The following STK31 variants were observed in gnomAD, a reference collection of about 807,000 sequenced individuals.
STK31 encodes serine/threonine kinase 31.
STK31 carries 89 observed loss-of-function variants against 129.7 expected under a neutral mutation model. The ratio of observed to expected loss-of-function variants is 0.69; its 90% CI spans 0.58 to 0.82. The LOEUF (loss-of-function observed/expected upper bound fraction) is 0.82, where lower values mean the gene tolerates loss of function less well. Among genes scored for constraint, STK31 ranks in the 40% least tolerant of loss-of-function variants. STK31 has a pLI of 0.00. For missense variants in STK31, 1,187 were observed against 1,176.4 expected (o/e 1.01, Z -0.13); for synonymous variants, 448 against 395.3 (o/e 1.13, Z -1.58).
Position 23,710,580 on chromosome 7 carries a change from C to G in STK31, c.50+245C>G, listed in dbSNP as rs1022893092. 3.7e-6 allele frequency: 5 copies of G among 1,363,522 alleles called. No homozygotes were observed. The African/African-American group carries it at 5.9e-5, about 16-fold the overall frequency. The allele number at this position is 1,363,522 out of a possible 1,614,324, so 84.5% of individuals were successfully genotyped here. Reference sequence around the variant, plus strand: ...CTCCATGAAGACGCGGTCACGCAGCCTCCACACTCTCTTCCCCTTCTCGAA... The same window carrying G: ...CTCCATGAAGACGCGGTCACGCAGCGTCCACACTCTCTTCCCCTTCTCGAA... On this transcript the variant is annotated intron_variant, in intron 1 of 23. Coordinates refer to ENST00000355870, the MANE Select transcript of STK31 (RefSeq NM_031414.5).
At chr7:23,772,347 A>G in intron 15 of STK31, 69 bp downstream of exon 15, 1 of 1,474,006 alleles carries the variant, frequency 6.8e-7, no homozygotes, top group South Asian at 1.3e-5. Context: ...GCTTCATAAA[A>G]ATAATGCATA....
At chr7:23,807,098 T>C (rs1792761275) in intron 22 of STK31, among the ~76,000 whole-genome samples, 1 of 151,964 alleles carries the variant, frequency 6.6e-6, no homozygotes, top group African/African-American at 2.4e-5. Context: ...CCTTTCAAGG[T>C]TTTTGTTTTT....
At chr7:23,746,757 G>A (rs1321205498) in intron 8 of STK31, among the ~76,000 whole-genome samples, 1 of 152,032 alleles carries the variant, frequency 6.6e-6, no homozygotes, top group Non-Finnish European at 1.5e-5. Context: ...GCATGGGTTG[G>A]TCTTGTCTCA....
In STK31 at chr7:23,730,870, A is replaced by ATTTTTTTTTTTTTTT. The variant is rs1263694532; in HGVS notation, c.483+1622_483+1623insTTTTTTTTTTTTTTT. Among the ~76,000 whole-genome samples the ATTTTTTTTTTTTTTT allele has an allele frequency of 2.0e-4, 9 of 45,290 alleles. No individual in the cohort carries two copies. The Admixed American group carries it at 3.4e-3, about 17-fold the overall frequency. 29.7% of individuals were successfully genotyped at this position (45,290 alleles called of 152,430 possible). A position where few individuals can be genotyped will look rare whatever the true frequency, so the allele number is the denominator to read the frequency against. ...TATATAAACATTTATATATATATATATATATATATTTTTTTTTTTTTTTTT... is the reference window on the plus strand; with the variant it reads ...TATATAAACATTTATATATATATATATTTTTTTTTTTTTTTTATATATATTTTTTTTTTTTTTTTT... On this transcript the variant is annotated intron_variant, in intron 6 of 23. Transcript: ENST00000355870.
In STK31 at chr7:23,762,895, C is replaced by A; in HGVS notation, c.1388C>A (p.Ser463Tyr). ...EDFILEVDESSLNKRLKTLQD... is the reference protein window; with the variant it reads ...EDFILEVDESYLNKRLKTLQD... ...TTTATTCTGGAAGTTGATGAGTCAT[C>A]TCTTAATAAACGCTTAAAAACATTG... is the stretch of plus-strand genomic sequence containing the variant. The change falls in exon 11 of 24, where the codon TCT becomes TAT. Residue 463 changes from serine to tyrosine, a missense_variant. Coordinates refer to ENST00000355870, the MANE Select transcript of STK31 (RefSeq NM_031414.5). 1 of 1,601,244 alleles carries A rather than the reference C, an allele frequency of 6.2e-7. No individual in the cohort carries two copies. Among genetic ancestry groups the A allele is most frequent in the Non-Finnish European group, 8.5e-7 (1 of 1,174,998 alleles).
intron 3 of STK31, among the ~76,000 whole-genome samples, chr7:23,716,213 G>A (rs1786313411): frequency 6.6e-6 from 1 of 151,954 alleles, no homozygotes; most frequent in South Asian, 2.1e-4. Flanking sequence ...ATGAATATTA[G>A]TTATTTTGTA....
intron 4 of STK31, among the ~76,000 whole-genome samples, chr7:23,726,726 T>C (rs528791009): frequency 6.6e-6 from 1 of 152,256 alleles, no homozygotes; most frequent in African/African-American, 2.4e-5. Flanking sequence ...ATTAAAGATA[T>C]TATCTAATTT....
At chr7:23,734,403 G>A (rs952271022) in intron 6 of STK31, among the ~76,000 whole-genome samples, 2 of 152,204 alleles carry the variant, frequency 1.3e-5, no homozygotes, top group Non-Finnish European at 2.9e-5. Flanking sequence ...CGCACAGGGT[G>A]AAATTCAGGA....
chr7:23,779,844 A>C (rs752907671), intron 15 of STK31, among the ~76,000 whole-genome samples: 1 of 152,016 alleles, frequency 6.6e-6, no homozygotes, highest in African/African-American at 2.4e-5. Context: ...AGGGGAGTCA[A>C]CGGTTCTGTC....
In STK31 at chr7:23,757,307, G is replaced by C. The variant is rs534828795; in HGVS notation, c.1293+2833G>C. 4.6e-5 allele frequency among the ~76,000 whole-genome samples: 7 copies of C among 152,232 alleles called. No individual in the cohort carries two copies. The South Asian group carries it at 1.5e-3, about 32-fold the overall frequency. ...GACACAGAGACAAAGTATAGAGAAAGAAAAGTGGGCCCAAGGGACCGGCGC... is the reference window on the plus strand; with the variant it reads ...GACACAGAGACAAAGTATAGAGAAACAAAAGTGGGCCCAAGGGACCGGCGC... On this transcript the variant is annotated intron_variant, in intron 10 of 23. Coordinates refer to ENST00000355870, the MANE Select transcript of STK31 (RefSeq NM_031414.5).
intron 22 of STK31, among the ~76,000 whole-genome samples, chr7:23,799,685 A>G (rs991016778): frequency 6.6e-6 from 1 of 152,216 alleles, no homozygotes; most frequent in Admixed American, 6.5e-5. Context: ...ATGGGCAAAG[A>G]CTTCATGACT....
chr7:23,828,394 A>G (rs1219304110), intron 23 of STK31, among the ~76,000 whole-genome samples: 1 of 152,232 alleles, frequency 6.6e-6, no homozygotes, highest in Admixed American at 6.5e-5. Context: ...CTTCCGAGCC[A>G]TGTGCCGGAT....
At chr7:23,773,862 T>G (rs11771195) in intron 15 of STK31, among the ~76,000 whole-genome samples, 23,444 of 151,952 alleles carry the variant, frequency 0.15, 2,073 homozygotes, top group East Asian at 0.22. Context: ...ATGTGCCATG[T>G]TGGTTTGCTG....
chr7:23,787,611 G>C (rs1039181357), intron 20 of STK31, among the ~76,000 whole-genome samples: 45 of 152,078 alleles, frequency 3.0e-4, no homozygotes, highest in African/African-American at 1.0e-3. Flanking sequence ...GATCTAGGTT[G>C]CGCACTCCTT....
intron 6 of STK31, among the ~76,000 whole-genome samples, chr7:23,733,536 C>T (rs995380597): frequency 4.0e-5 from 6 of 151,864 alleles, no homozygotes; most frequent in African/African-American, 1.2e-4. Flanking sequence ...CAGCTGGGTG[C>T]GGTGTCTCAC....
chr7:23,732,715 T>C (rs1001057566), intron 6 of STK31, among the ~76,000 whole-genome samples: 1 of 152,188 alleles, frequency 6.6e-6, no homozygotes, highest in Non-Finnish European at 1.5e-5. Context: ...ATTGAAACTT[T>C]TGTAGACAAT....
At chr7:23,826,883 G>A (rs545944097) in intron 23 of STK31, among the ~76,000 whole-genome samples, 1 of 152,188 alleles carries the variant, frequency 6.6e-6, no homozygotes, top group Admixed American at 6.5e-5. Flanking sequence ...GAAATTCTGG[G>A]TTGAAAATTC....
intron 15 of STK31, among the ~76,000 whole-genome samples, chr7:23,781,180 C>T (rs1790903034): frequency 6.6e-6 from 1 of 152,128 alleles, no homozygotes; most frequent in African/African-American, 2.4e-5. Context: ...CAAGAAAAAT[C>T]TGTATAATTG....
chr7:23,759,749 A>G (rs1789339857), intron 10 of STK31, among the ~76,000 whole-genome samples: 1 of 152,208 alleles, frequency 6.6e-6, no homozygotes, highest in Non-Finnish European at 1.5e-5. Flanking sequence ...GGTAAGTATA[A>G]CTTATGATTG....
Sources: gnomAD v4.1 joint callset for allele counts (sites outside exome capture counted in the v4.1 genomes callset) on GRCh38, gnomAD v4.1.1 for gene constraint, MANE v1.5 for transcripts, NCBI Gene and HGNC (gene_info 2026-07-23, HGNC 2026-07-21) for gene names.